Variants in SORBS2 observed in about 807,000 individuals in gnomAD.
SORBS2 encodes the protein sorbin and SH3 domain containing 2, also known as sorbin and SH3 domain-containing protein 2.
Under a neutral mutation model 97.7 loss-of-function variants are expected in SORBS2, and 46 were observed. The observed-to-expected ratio is 0.47, with a 90% CI of 0.37 to 0.60. The LOEUF is 0.60. Ranked by LOEUF, SORBS2 falls within the 20% of genes least tolerant of loss-of-function variation. The probability of loss-of-function intolerance (pLI) is 0.00; values close to 1 mark genes in which losing one functional copy is unlikely to be tolerated. For synonymous variants in SORBS2, 476 were observed against 473.4 expected (o/e 1.01, Z -0.07); for missense variants, 1,316 against 1,282.3 (o/e 1.03, Z -0.40).
intron 1 of SORBS2, among the ~76,000 whole-genome samples, chr4:185,948,708 G>A (rs1354467426): frequency 6.6e-6 from 1 of 151,624 alleles, no homozygotes; most frequent in African/African-American, 2.4e-5. Flanking sequence ...AGTAGAGACA[G>A]GGTTTCATCA....
chr4:185,802,327 AT>A (rs1477511453), intron 1 of SORBS2, among the ~76,000 whole-genome samples: 8 of 152,172 alleles, frequency 5.3e-5, no homozygotes, highest in African/African-American at 1.9e-4. Context: ...TTCCTGGCTT[AT>A]TCTCTCATCT....
chr4:185,638,388 A>G (rs2097060853), intron 4 of SORBS2, among the ~76,000 whole-genome samples: 1 of 152,046 alleles, frequency 6.6e-6, no homozygotes, highest in African/African-American at 2.4e-5. Flanking sequence ...TCCTGCGTCC[A>G]TCGTTTCTGA....
intron 11 of SORBS2, among the ~76,000 whole-genome samples, chr4:185,614,086 T>G (rs2096588663): frequency 6.6e-6 from 1 of 151,338 alleles, no homozygotes; most frequent in South Asian, 2.1e-4. Flanking sequence ...TAGAAAGCAA[T>G]AAGAATAATT....
intron 2 of SORBS2, among the ~76,000 whole-genome samples, chr4:185,712,627 C>A (rs541097357): frequency 6.6e-6 from 1 of 152,224 alleles, no homozygotes; most frequent in Non-Finnish European, 1.5e-5. Flanking sequence ...CACTGCAACA[C>A]GCCCTCTGGG....
intron 1 of SORBS2, among the ~76,000 whole-genome samples, chr4:185,868,126 C>A (rs1347942080): frequency 7.0e-6 from 1 of 142,846 alleles, no homozygotes; most frequent in African/African-American, 2.6e-5. Flanking sequence ...AAAGCTTCTA[C>A]TTTCCTTTCT....
intron 1 of SORBS2, among the ~76,000 whole-genome samples, chr4:185,867,228 T>C (rs11727209): frequency 0.19 from 28,327 of 152,052 alleles, 3,581 homozygotes; most frequent in East Asian, 0.55. Context: ...ATCAGGCTGG[T>C]CTCGAACTCC....
At chr4:185,784,897 A>G (rs2099049003) in intron 1 of SORBS2, among the ~76,000 whole-genome samples, 1 of 152,164 alleles carries the variant, frequency 6.6e-6, no homozygotes, top group African/African-American at 2.4e-5. Context: ...ACGCCCCGGG[A>G]GCTGCATCAT....
At chr4:185,770,684 A>C (rs1322004834) in intron 2 of SORBS2, among the ~76,000 whole-genome samples, 1 of 148,892 alleles carries the variant, frequency 6.7e-6, no homozygotes, top group East Asian at 1.9e-4. Flanking sequence ...CTGATCAGAC[A>C]AACACTGATT....
At chr4:185,759,561 T>C (rs1208479193) in intron 2 of SORBS2, among the ~76,000 whole-genome samples, 2 of 151,494 alleles carry the variant, frequency 1.3e-5, no homozygotes, top group Non-Finnish European at 2.9e-5. Context: ...GGTGAATGAA[T>C]AGAGAAGACC....
At chr4:185,916,062 G>A (rs190042598) in intron 1 of SORBS2, among the ~76,000 whole-genome samples, 18 of 152,252 alleles carry the variant, frequency 1.2e-4, no homozygotes, top group Non-Finnish European at 2.2e-4. Flanking sequence ...AAGGAGAAGC[G>A]AGATCACAAT....
At chr4:185,657,482 G>C (rs770251046), upstream of SORBS2, 1 of 1,567,424 alleles carries the variant, frequency 6.4e-7, no homozygotes, top group South Asian at 1.2e-5. Context: ...TGGGTAATGC[G>C]GGGCTTTGAT....
chr4:185,603,391 A>G (rs181057381), intron 12 of SORBS2, among the ~76,000 whole-genome samples: 16 of 135,264 alleles, frequency 1.2e-4, no homozygotes, highest in Admixed American at 2.1e-4. Flanking sequence ...GCCAGCTAAG[A>G]AAAAAAACCT....
At chr4:185,923,637 C>T (rs747920066) in intron 1 of SORBS2, among the ~76,000 whole-genome samples, 29 of 151,698 alleles carry the variant, frequency 1.9e-4, no homozygotes, top group Non-Finnish European at 2.9e-4. Flanking sequence ...ATTTGTGAAA[C>T]TCCACTTGCA....
intron 1 of SORBS2, among the ~76,000 whole-genome samples, chr4:185,943,146 A>T (rs1358726408): frequency 6.6e-6 from 1 of 152,262 alleles, no homozygotes; most frequent in Non-Finnish European, 1.5e-5. Context: ...ATTTCCTCAT[A>T]GATCACGTTC....
intron 2 of SORBS2, among the ~76,000 whole-genome samples, chr4:185,711,964 C>A (rs978294385): frequency 1.3e-5 from 2 of 152,150 alleles, no homozygotes; most frequent in African/African-American, 4.8e-5. Flanking sequence ...CCCCAAAACA[C>A]TGACATCATA....
chr4:185,629,147 A>T (rs1392579351), intron 5 of SORBS2, among the ~76,000 whole-genome samples: 1 of 152,150 alleles, frequency 6.6e-6, no homozygotes, highest in Non-Finnish European at 1.5e-5. Context: ...TGTGTCTGGG[A>T]TGTACGGAAG....
At chr4:185,752,574 C>A (rs551956430) in intron 2 of SORBS2, among the ~76,000 whole-genome samples, 1 of 152,262 alleles carries the variant, frequency 6.6e-6, no homozygotes, top group South Asian at 2.1e-4. Flanking sequence ...CCGTGCCCAG[C>A]CCTGCAGCAG....
intron 1 of SORBS2, among the ~76,000 whole-genome samples, chr4:185,849,286 T>C (rs1305298707): frequency 6.6e-6 from 1 of 152,044 alleles, no homozygotes; most frequent in Non-Finnish European, 1.5e-5. Flanking sequence ...CACCAGAGCT[T>C]CCCCAAACCC....
chr4:185,898,015 C>T (rs938785501), intron 1 of SORBS2, among the ~76,000 whole-genome samples: 11 of 152,220 alleles, frequency 7.2e-5, no homozygotes, highest in African/African-American at 2.7e-4. Flanking sequence ...CTAGCCTGGG[C>T]AACAGAGCAA....
Sources: allele counts gnomAD v4.1 joint callset (sites outside exome capture counted in the v4.1 genomes callset), GRCh38; gene constraint gnomAD v4.1.1; transcripts MANE v1.5; gene names NCBI Gene and HGNC (gene_info 2026-07-23, HGNC 2026-07-21).